Variants in KLF13 observed in about 807,000 individuals in gnomAD.
The protein encoded by KLF13 is KLF transcription factor 13, also known as Krueppel-like factor 13.
KLF13 carries 8 observed loss-of-function variants against 16.7 expected under a neutral mutation model. The ratio of observed to expected loss-of-function variants is 0.48; its 90% CI spans 0.28 to 0.87. KLF13 has a LOEUF of 0.87. KLF13 is among the 40% of genes least tolerant of loss of function. The pLI, the probability that KLF13 is intolerant of heterozygous loss-of-function variation, is 0.10. For missense variants in KLF13, 447 were observed against 452.2 expected, an observed-to-expected ratio of 0.99 and a Z score of 0.10; for synonymous variants, 245 against 208.4, an observed-to-expected ratio of 1.18 and a Z score of -1.51.
intron 1 of KLF13, chr15:31,420,204 C>T: frequency 1.6e-6 from 1 of 609,244 alleles, no homozygotes; most frequent in South Asian, 1.4e-5. Context: ...AGTGGGGGTG[C>T]TGCCCAGAAT....
intron 1 of KLF13, chr15:31,340,069 T>C (rs956221942): frequency 1.9e-5 from 13 of 702,012 alleles, no homozygotes; most frequent in Non-Finnish European, 3.1e-5. Context: ...GTGTGTCCTG[T>C]GAGCCTCTCT....
At chr15:31,368,166 A>G (rs1337308395) in intron 1 of KLF13, among the ~76,000 whole-genome samples, 1 of 152,166 alleles carries the variant, frequency 6.6e-6, no homozygotes, top group Non-Finnish European at 1.5e-5. Context: ...CAGGTTCTGG[A>G]GGGTTATCAC....
intron 1 of KLF13, among the ~76,000 whole-genome samples, chr15:31,346,601 C>T (rs536708239): frequency 1.3e-5 from 2 of 152,352 alleles, no homozygotes; most frequent in South Asian, 2.1e-4. Flanking sequence ...GGACATGAGG[C>T]GTCCCCTCCT....
intron 1 of KLF13, among the ~76,000 whole-genome samples, chr15:31,425,798 A>G (rs2040393515): frequency 6.6e-6 from 1 of 152,152 alleles, no homozygotes; most frequent in South Asian, 2.1e-4. Context: ...AATTGCTTGA[A>G]TCCAGGAGGC....
intron 1 of KLF13, among the ~76,000 whole-genome samples, chr15:31,338,525 T>A (rs1384943642): frequency 6.6e-6 from 1 of 152,162 alleles, no homozygotes; most frequent in Non-Finnish European, 1.5e-5. Flanking sequence ...GCTGCATCAC[T>A]TAAAGGCCGG....
At chr15:31,431,517 T>A (rs2040471146) in intron 1 of KLF13, among the ~76,000 whole-genome samples, 1 of 151,962 alleles carries the variant, frequency 6.6e-6, no homozygotes, top group African/African-American at 2.4e-5. Context: ...CAGGATGGAG[T>A]GCAGTGGCGT....
chr15:31,420,334 A>T, intron 1 of KLF13: 3 of 1,032,506 alleles, frequency 2.9e-6, no homozygotes, highest in Non-Finnish European at 4.5e-6. Context: ...TCCATGGAGC[A>T]GCTGGCACAG....
chr15:31,407,098 G>T (rs925979339), downstream of KLF13, among the ~76,000 whole-genome samples: 5 of 152,202 alleles, frequency 3.3e-5, no homozygotes, highest in South Asian at 6.2e-4. Flanking sequence ...GGGAAATAAA[G>T]AAATGTTGGG....
chr15:31,365,224 C>T lies in KLF13; in HGVS notation c.578-6786C>T, dbSNP rs181838141. On this transcript the variant is annotated intron_variant, in intron 1 of 1. Coordinates refer to ENST00000307145, the MANE Select transcript of KLF13 (RefSeq NM_015995.4). The stretch of plus-strand genomic sequence containing the variant: ...AAGCAATTTCTCTTTGGAAGCCTCT[C>T]CCTGTGCCTCCCTTTGAGTCTGACC... Among the ~76,000 whole-genome samples the T allele has an allele frequency of 1.9e-3, 289 of 152,200 alleles. 1 individual carries two copies. Among genetic ancestry groups the T allele is most frequent in the African/African-American group, 6.1e-3 (253 of 41,468 alleles).
rs771478340 is a variant in KLF13 at position 31,327,774 on chromosome 15, C to T, written c.562C>T (p.Leu188=). 9.8e-6 allele frequency: 15 copies of T among 1,528,868 alleles called. No homozygotes were observed. In the South Asian group the frequency reaches 1.0e-4, roughly 11 times the overall value. 94.7% of individuals were successfully genotyped at this position (1,528,868 alleles called of 1,614,324 possible). ...GAAATCTTCGCACCTCAAGGCGCAC[C>T]TGAGAACTCACACAGGTCAGTGGGG... ...YGKSSHLKAH[L]RTHTGERPFA... Residue 188 remains leucine, a synonymous_variant, in exon 1 of 2, where the codon CTG becomes TTG. Transcript: ENST00000307145.
In KLF13 at chr15:31,426,762, G is replaced by A. The variant is rs563059871; in HGVS notation, n.118-8608G>A. Among the ~76,000 whole-genome samples the A allele has an allele frequency of 1.4e-4, 21 of 152,318 alleles. No individual in the cohort carries two copies. The South Asian group carries it at 4.1e-3, about 30-fold the overall frequency. On this transcript the variant is annotated intron_variant and non_coding_transcript_variant, in intron 1 of 1. Coordinates refer to the KLF13 transcript ENST00000558225. ...TAAAGCAATATTTGTAGGTGTGTTT[G>A]TGAGGGTGTTTCCAGAGGAGATTGG...
intron 1 of KLF13, among the ~76,000 whole-genome samples, chr15:31,386,638 A>G (rs2039799712): frequency 6.6e-6 from 1 of 152,254 alleles, no homozygotes; most frequent in Non-Finnish European, 1.5e-5. Flanking sequence ...TGGCTTTACT[A>G]CACAACAGAT....
intron 1 of KLF13, among the ~76,000 whole-genome samples, chr15:31,356,746 T>C (rs2039306448): frequency 6.6e-6 from 1 of 152,246 alleles, no homozygotes; most frequent in African/African-American, 2.4e-5. Flanking sequence ...CTGATGTTGC[T>C]GTGGAGAAGA....
intron 1 of KLF13, among the ~76,000 whole-genome samples, chr15:31,331,806 T>G (rs920856723): frequency 6.6e-6 from 1 of 152,180 alleles, no homozygotes; most frequent in African/African-American, 2.4e-5. Context: ...CGCGTTGGTG[T>G]TTTTCTTTAC....
chr15:31,330,731 C>T (rs1440689942), intron 1 of KLF13, among the ~76,000 whole-genome samples: 3 of 152,226 alleles, frequency 2.0e-5, no homozygotes, highest in South Asian at 2.1e-4. Flanking sequence ...ACACATTGGT[C>T]TCTGTCACAT....
intron 1 of KLF13, among the ~76,000 whole-genome samples, chr15:31,423,024 G>GACTCCTTCTC (rs768380878): frequency 7.6e-5 from 11 of 145,554 alleles, no homozygotes; most frequent in Non-Finnish European, 1.3e-4. Flanking sequence ...GTGAGAGTGA[G>GACTCCTTCTC]ACTCCTTCTC....
At chr15:31,342,589 G>A (rs1285119642) in intron 1 of KLF13, among the ~76,000 whole-genome samples, 1 of 152,212 alleles carries the variant, frequency 6.6e-6, no homozygotes, top group African/African-American at 2.4e-5. Flanking sequence ...TCAGGACTTA[G>A]GTTTGCTATT....
chr15:31,351,086 G>T (rs1342171378), intron 1 of KLF13, among the ~76,000 whole-genome samples: 1 of 152,198 alleles, frequency 6.6e-6, no homozygotes, highest in African/African-American at 2.4e-5. Flanking sequence ...GTTGGGCCAA[G>T]GCCTGGGAAA....
At chr15:31,328,309 C>T (rs77811277) in intron 1 of KLF13, among the ~76,000 whole-genome samples, 1 of 151,982 alleles carries the variant, frequency 6.6e-6, no homozygotes, top group East Asian at 2.0e-4. Flanking sequence ...AGGTTTCCTT[C>T]GCCACTCGGC....
Sources: gnomAD v4.1 joint callset for allele counts (sites outside exome capture counted in the v4.1 genomes callset) on GRCh38, gnomAD v4.1.1 for gene constraint, MANE v1.5 for transcripts, NCBI Gene and HGNC (gene_info 2026-07-23, HGNC 2026-07-21) for gene names.